Variants in C12orf42 observed in about 807,000 individuals in gnomAD.
C12orf42 encodes uncharacterized protein C12orf42.
A neutral mutation model predicts 21.6 loss-of-function variants in C12orf42; 25 were observed. That is an observed-to-expected ratio of 1.16 (90% CI 0.84 to 1.62). The LOEUF (loss-of-function observed/expected upper bound fraction) is 1.62, where lower values mean the gene tolerates loss of function less well. C12orf42 is among the 40% of genes most tolerant of loss of function. The probability of loss-of-function intolerance (pLI) is 0.00; values close to 1 mark genes in which losing one functional copy is unlikely to be tolerated. For synonymous variants in C12orf42, 174 were observed against 175.0 expected (o/e 0.99, Z 0.05); for missense variants, 483 against 459.3 (o/e 1.05, Z -0.47).
the C12orf42 span, among the ~76,000 whole-genome samples, chr12:103,179,387 TGAA>T: frequency 6.6e-6 from 1 of 152,160 alleles, no homozygotes; most frequent in Admixed American, 6.5e-5. Flanking sequence ...TTCAAGGCAG[TGAA>T]GAATGGGCTG....
At chr12:103,067,197 C>T in the C12orf42 span, among the ~76,000 whole-genome samples, 21,421 of 152,174 alleles carry the variant, frequency 0.14, 1,641 homozygotes, top group East Asian at 0.26. Flanking sequence ...TAGACACTTA[C>T]TCCAGATATG....
At chr12:103,107,022 A>G in the C12orf42 span, among the ~76,000 whole-genome samples, 2 of 152,084 alleles carry the variant, frequency 1.3e-5, no homozygotes, top group Admixed American at 1.3e-4. Context: ...TTTAAGAGAC[A>G]AAGAATTATT....
At chr12:103,520,792 C>G in the C12orf42 span, among the ~76,000 whole-genome samples, 1 of 152,214 alleles carries the variant, frequency 6.6e-6, no homozygotes, top group Non-Finnish European at 1.5e-5. Context: ...CATGGGCATG[C>G]CCAGTCCAGA....
At chr12:103,379,040 C>G (rs2045939257) in intron 3 of C12orf42, among the ~76,000 whole-genome samples, 1 of 151,990 alleles carries the variant, frequency 6.6e-6, no homozygotes, top group Admixed American at 6.6e-5. Flanking sequence ...GTCTCCACCA[C>G]CCACAGAGAA....
At chr12:103,053,204 G>A in the C12orf42 span, among the ~76,000 whole-genome samples, 11 of 151,654 alleles carry the variant, frequency 7.3e-5, no homozygotes, top group African/African-American at 2.7e-4. Context: ...GTATTTGCAT[G>A]CAATTGTAAG....
chr12:103,548,101 G>A, the C12orf42 span, among the ~76,000 whole-genome samples: 1 of 152,218 alleles, frequency 6.6e-6, no homozygotes, highest in Non-Finnish European at 1.5e-5. Context: ...GCTCTGGCCT[G>A]GGGCCTGCGT....
At chr12:103,321,967 T>C (rs986035921) in intron 4 of C12orf42, among the ~76,000 whole-genome samples, 1 of 152,114 alleles carries the variant, frequency 6.6e-6, no homozygotes, top group Non-Finnish European at 1.5e-5. Flanking sequence ...TATACATATG[T>C]AACTAACCTG....
chr12:103,303,515 T>C (rs75754813), intron 5 of C12orf42, among the ~76,000 whole-genome samples: 3,212 of 152,314 alleles, frequency 0.021, 39 homozygotes, highest in Non-Finnish European at 0.035. Flanking sequence ...AGGTTTTTAA[T>C]AGCATTTAGA....
chr12:103,093,717 C>T, the C12orf42 span, among the ~76,000 whole-genome samples: 1 of 152,212 alleles, frequency 6.6e-6, no homozygotes, highest in Non-Finnish European at 1.5e-5. Context: ...AGCCAGTGTT[C>T]ACTGCTCACA....
intron 3 of C12orf42, among the ~76,000 whole-genome samples, chr12:103,376,493 C>T (rs2045709502): frequency 6.6e-6 from 1 of 152,090 alleles, no homozygotes; most frequent in Non-Finnish European, 1.5e-5. Flanking sequence ...TTGACAGGTG[C>T]AGCAAACCAC....
the C12orf42 span, among the ~76,000 whole-genome samples, chr12:103,123,872 C>T: frequency 7.2e-5 from 11 of 152,026 alleles, no homozygotes; most frequent in Admixed American, 4.6e-4. Context: ...CACATGTACT[C>T]ACATTACATT....
intron 3 of C12orf42, among the ~76,000 whole-genome samples, chr12:103,394,572 TTA>T (rs2047353883): frequency 6.6e-6 from 1 of 152,228 alleles, no homozygotes; most frequent in South Asian, 2.1e-4. Flanking sequence ...GCTGATTTGG[TTA>T]TGTGTTTGAA....
chr12:103,547,632 A>G, the C12orf42 span, among the ~76,000 whole-genome samples: 1 of 152,252 alleles, frequency 6.6e-6, no homozygotes, highest in Non-Finnish European at 1.5e-5. Context: ...GATCTGCTTC[A>G]GGGGCTGAAA....
the C12orf42 span, among the ~76,000 whole-genome samples, chr12:103,542,879 G>C: frequency 6.6e-6 from 1 of 152,208 alleles, no homozygotes; most frequent in African/African-American, 2.4e-5. Context: ...CACTATTGCT[G>C]CAGCAGAGAA....
At chr12:103,560,326 G>A in the C12orf42 span, among the ~76,000 whole-genome samples, 2 of 152,282 alleles carry the variant, frequency 1.3e-5, no homozygotes, top group Admixed American at 6.5e-5. Flanking sequence ...AATGAGGCTT[G>A]AAGCCAGAGA....
At chr12:103,363,633 A>C (rs994648022) in intron 4 of C12orf42, among the ~76,000 whole-genome samples, 3 of 152,266 alleles carry the variant, frequency 2.0e-5, no homozygotes, top group Admixed American at 2.0e-4. Flanking sequence ...CACAAACTTA[A>C]GGTAAAGGGG....
chr12:103,443,386 A>G (rs547924094), intron 2 of C12orf42, among the ~76,000 whole-genome samples: 5 of 152,112 alleles, frequency 3.3e-5, no homozygotes, highest in African/African-American at 1.2e-4. Flanking sequence ...TGTTGCAAAT[A>G]AGGAAAATTA....
At chr12:103,235,293 T>A (rs2136150977), downstream of C12orf42, among the ~76,000 whole-genome samples, 1 of 152,218 alleles carries the variant, frequency 6.6e-6, no homozygotes, top group East Asian at 1.9e-4. Flanking sequence ...TTTGTCCCTA[T>A]TTTCTGTTAA....
chr12:103,097,111 T>G, the C12orf42 span, among the ~76,000 whole-genome samples: 1 of 152,254 alleles, frequency 6.6e-6, no homozygotes, highest in Non-Finnish European at 1.5e-5. Flanking sequence ...CCATTTAATC[T>G]ACAGATCATA....
Sources: gnomAD v4.1 joint callset for allele counts (sites outside exome capture counted in the v4.1 genomes callset) on GRCh38, gnomAD v4.1.1 for gene constraint, MANE v1.5 for transcripts, NCBI Gene and HGNC (gene_info 2026-07-23, HGNC 2026-07-21) for gene names.